Variants in R3HDML observed in about 807,000 individuals in gnomAD.
The protein encoded by R3HDML is R3H domain containing like.
R3HDML carries 21 observed loss-of-function variants against 24.2 expected under a neutral mutation model. That is an observed-to-expected ratio of 0.87 (90% CI 0.62 to 1.25). The LOEUF (loss-of-function observed/expected upper bound fraction) is 1.25. R3HDML is among the 50% of genes most tolerant of loss of function. R3HDML has a pLI of 0.00. For missense variants in R3HDML, 301 were observed against 340.3 expected (o/e 0.88, Z 0.91); for synonymous variants, 133 against 131.5 (o/e 1.01, Z -0.08).
At chr20:44,344,706 C>G (rs1199262939) in intron 3 of R3HDML, 1 of 152,402 alleles carries the variant, frequency 6.6e-6, no homozygotes, top group Non-Finnish European at 1.5e-5. Context: ...TCACTTGAAC[C>G]TGGGAGGCAG....
chr20:44,345,177 C>T (rs2062782766), intron 3 of R3HDML, 86 bp from the exon 4 acceptor site: 1 of 1,025,768 alleles, frequency 9.7e-7, no homozygotes, highest in South Asian at 1.3e-5. Context: ...CCAGGAAGAC[C>T]TCACCTAATG....
chr20:44,343,605 A>T, intron 3 of R3HDML, 96 bp downstream of exon 3: 1 of 1,283,194 alleles, frequency 7.8e-7, no homozygotes, highest in Non-Finnish European at 1.1e-6. Context: ...ATGCAAACAA[A>T]GACCGTTATG....
rs2062809311 is a variant in R3HDML at position 44,350,850 on chromosome 20, CAAAAAACTGGGTGGAGAAAT to C, written c.*61_*80del. 1 of 1,574,138 alleles carries C rather than the reference CAAAAAACTGGGTGGAGAAAT, an allele frequency of 6.4e-7. No homozygotes were observed. The highest frequency in any genetic ancestry group is 1.2e-5 in the South Asian group (1 of 86,298). On this transcript the variant is annotated 3_prime_UTR_variant, in exon 5 of 5. Transcript: ENST00000217043. ...GGCCTGACCCTCCATGTCCTGCCCT[CAAAAAACTGGGTGGAGAAAT>C]AATTGTTTCTTTAAAGGATATGAGT... is the stretch of plus-strand genomic sequence containing the variant.
intron 3 of R3HDML, among the ~76,000 whole-genome samples, chr20:44,344,280 CAAAAA>C (rs577772886): frequency 8.7e-6 from 1 of 114,608 alleles, no homozygotes; most frequent in Non-Finnish European, 1.8e-5. Context: ...GACTCCGTCT[CAAAAA>C]AAAAAAAAAA....
Position 44,337,426 on chromosome 20 carries a change from C to T in R3HDML, c.261+8C>T. 6.2e-7 allele frequency: 1 copy of T among 1,606,092 alleles called. No individual in the cohort carries two copies. Among genetic ancestry groups the T allele is most frequent in the Non-Finnish European group, 8.5e-7 (1 of 1,173,496 alleles). On this transcript the variant is annotated splice_region_variant and intron_variant, in intron 1 of 4. Transcript: ENST00000217043. This position sits in a 1 kb window ranked among gnomAD's most constrained non-coding sequence, Gnocchi z 4.7. ...GCCAACATGGAATACATGGTGAGTC[C>T]CCGTACCTGCCCCCCACCCCCCGCA...
Position 44,341,331 on chromosome 20 carries a change from C to T in R3HDML, c.380+17C>T. On this transcript the variant is annotated intron_variant, in intron 2 of 4. Coordinates refer to ENST00000217043, the MANE Select transcript of R3HDML (RefSeq NM_178491.4). ...TTCTGGCCAGTGAGTGACCCTCTGC[C>T]CTTCCTTCACTCAGTCATTCAACAA... is the stretch of plus-strand genomic sequence containing the variant. The T allele has an allele frequency of 6.4e-7, 1 of 1,569,276 alleles. No individual in the cohort carries two copies. The highest frequency in any genetic ancestry group is 8.8e-7 in the Non-Finnish European group (1 of 1,140,704).
intron 2 of R3HDML, among the ~76,000 whole-genome samples, chr20:44,343,072 C>T (rs901286338): frequency 6.6e-6 from 1 of 152,168 alleles, no homozygotes; most frequent in Non-Finnish European, 1.5e-5. Flanking sequence ...GGAGATCATC[C>T]GAGGAGCCCT....
intron 4 of R3HDML, among the ~76,000 whole-genome samples, chr20:44,347,376 A>C (rs2062790699): frequency 6.6e-6 from 1 of 151,632 alleles, no homozygotes; most frequent in Non-Finnish European, 1.5e-5. Context: ...GCACCATTAC[A>C]CCTGGCTAAT....
At chr20:44,340,923 A>G (rs2062770467) in intron 1 of R3HDML, among the ~76,000 whole-genome samples, 1 of 152,100 alleles carries the variant, frequency 6.6e-6, no homozygotes, top group African/African-American at 2.4e-5. Context: ...ACTGCTGAGA[A>G]CTCCTGTACG....
chr20:44,341,436 C>T, intron 2 of R3HDML, 122 bp downstream of exon 2: 1 of 736,814 alleles, frequency 1.4e-6, no homozygotes, highest in Non-Finnish European at 2.2e-6. Context: ...GACAAGCTCT[C>T]CACCTGCAGG....
chr20:44,347,634 G>C (rs1423192999), intron 4 of R3HDML: 4 of 152,202 alleles, frequency 2.6e-5, no homozygotes, highest in East Asian at 1.9e-4. Flanking sequence ...AAGGAAAAAG[G>C]GGGGAACCCT....
At position 44,337,294 on chromosome 20, in the gene R3HDML, G is replaced by T. The variant is rs760956207; in HGVS notation, c.137G>T (p.Gly46Val). 4 of 1,614,228 alleles carry T rather than the reference G, an allele frequency of 2.5e-6. No individual in the cohort carries two copies. In the East Asian group the frequency reaches 8.9e-5, roughly 36 times the overall value. ...AGCACGGCTATGCGGCTCCTGAGTG[G>T]CCTGGAGGTGCCCAGGTACCGCCGG... is the stretch of plus-strand genomic sequence containing the variant. ...PESTAMRLLS[G>V]LEVPRYRRKR... Residue 46 changes from glycine to valine, a missense_variant, in exon 1 of 5, where the codon GGC (glycine) becomes GTC (valine). Gly to Val is a moderately radical substitution (Grantham distance 109). Transcript: ENST00000217043. This position sits in a 1 kb window ranked among gnomAD's most constrained non-coding sequence, Gnocchi z 4.7.
At chr20:44,349,284 C>T (rs1038126362) in intron 4 of R3HDML, among the ~76,000 whole-genome samples, 9 of 151,822 alleles carry the variant, frequency 5.9e-5, no homozygotes, top group South Asian at 4.2e-4. Context: ...GGAAATCGAC[C>T]GTTTTCATTT....
chr20:44,349,531 T>C (rs1308315473), intron 4 of R3HDML, among the ~76,000 whole-genome samples: 1 of 152,174 alleles, frequency 6.6e-6, no homozygotes, highest in Non-Finnish European at 1.5e-5. Context: ...ACTAAATGAT[T>C]GAATGAGTCC....
chr20:44,339,609 G>C (rs1359884729), intron 1 of R3HDML, among the ~76,000 whole-genome samples: 1 of 142,532 alleles, frequency 7.0e-6, no homozygotes, highest in Non-Finnish European at 1.5e-5. Context: ...GTGTGTGTCT[G>C]TGTGTGTGTG....
At chr20:44,339,958 C>T (rs1450577299) in intron 1 of R3HDML, among the ~76,000 whole-genome samples, 2 of 151,264 alleles carry the variant, frequency 1.3e-5, no homozygotes, top group South Asian at 4.2e-4. Flanking sequence ...TTTGTATTAT[C>T]ATTATTATTT....
At chr20:44,344,293 A>C (rs1600600724) in intron 3 of R3HDML, among the ~76,000 whole-genome samples, 1 of 151,738 alleles carries the variant, frequency 6.6e-6, no homozygotes. Flanking sequence ...AAAAAAAAAA[A>C]AAGTGAAGCT....
chr20:44,346,785 C>T (rs2062788176), intron 4 of R3HDML, among the ~76,000 whole-genome samples: 1 of 152,194 alleles, frequency 6.6e-6, no homozygotes, highest in Non-Finnish European at 1.5e-5. Flanking sequence ...TGCCTGCATA[C>T]AAGCCTCTTG....
At chr20:44,350,002 G>A (rs760907406) in intron 4 of R3HDML, among the ~76,000 whole-genome samples, 3 of 152,092 alleles carry the variant, frequency 2.0e-5, no homozygotes, top group Non-Finnish European at 4.4e-5. Context: ...CCCAGGAGGC[G>A]GAGGCTGCAG....
Sources: allele counts gnomAD v4.1 joint callset (sites outside exome capture counted in the v4.1 genomes callset), GRCh38; gene constraint gnomAD v4.1.1; non-coding constraint Gnocchi (gnomAD v3.1); transcripts MANE v1.5; gene names NCBI Gene and HGNC (gene_info 2026-07-23, HGNC 2026-07-21).